The following RNF150 variants were observed in gnomAD, a reference collection of about 807,000 sequenced individuals.
The protein encoded by RNF150 is ring finger protein 150.
Under a neutral mutation model 39.3 loss-of-function variants are expected in RNF150, and 24 were observed. That is an observed-to-expected ratio of 0.61 (90% CI 0.44 to 0.86). The LOEUF is 0.86. Among genes scored for constraint, RNF150 ranks in the 40% least tolerant of loss-of-function variants. The pLI, the probability that RNF150 is intolerant of heterozygous loss-of-function variation, is 0.00. For synonymous variants in RNF150, 255 were observed against 227.3 expected (o/e 1.12, Z -1.10); for missense variants, 502 against 587.8 (o/e 0.85, Z 1.51).
intron 1 of RNF150, among the ~76,000 whole-genome samples, chr4:141,203,529 C>T (rs1427071782): frequency 6.6e-6 from 1 of 151,834 alleles, no homozygotes; most frequent in Non-Finnish European, 1.5e-5. Flanking sequence ...CCTCCTTCAG[C>T]CTTTAGATAG....
intron 1 of RNF150, among the ~76,000 whole-genome samples, chr4:141,062,244 T>G (rs1461084472): frequency 6.6e-6 from 1 of 152,120 alleles, no homozygotes; most frequent in East Asian, 1.9e-4. Flanking sequence ...CTTCTGAGTC[T>G]TTGCGTAAAA....
At chr4:141,112,338 T>C (rs904381060) in intron 1 of RNF150, among the ~76,000 whole-genome samples, 2 of 152,186 alleles carry the variant, frequency 1.3e-5, no homozygotes, top group Non-Finnish European at 2.9e-5. Flanking sequence ...TCTTACAATT[T>C]GGTATGTTTT....
chr4:141,184,919 T>C (rs1727974329), intron 1 of RNF150, among the ~76,000 whole-genome samples: 1 of 151,666 alleles, frequency 6.6e-6, no homozygotes, highest in Non-Finnish European at 1.5e-5. Context: ...TGCTGTTTGG[T>C]TACTGTAGCC....
intron 4 of RNF150, among the ~76,000 whole-genome samples, chr4:140,935,063 T>TTTATA (rs1731806021): frequency 7.9e-5 from 5 of 63,424 alleles, no homozygotes; most frequent in African/African-American, 4.0e-4. Flanking sequence ...ATATTATATA[T>TTTATA]ATATAATATA....
chr4:141,111,037 G>A (rs1739369434), intron 1 of RNF150, among the ~76,000 whole-genome samples: 1 of 152,070 alleles, frequency 6.6e-6, no homozygotes, highest in Non-Finnish European at 1.5e-5. Flanking sequence ...ATCATCTGAA[G>A]AGCCATGTCC....
At position 141,159,103 on chromosome 4, in the gene RNF150, T is replaced by A. The variant is rs542040754; in HGVS notation, c.-6+53691A>T. Among the ~76,000 whole-genome samples, 5 of 152,326 alleles carry A rather than the reference T, an allele frequency of 3.3e-5. No individual in the cohort carries two copies. In the South Asian group the frequency reaches 8.3e-4, roughly 25 times the overall value. ...CATTATCACTTTAAATGAAGAGAAG[T>A]TCAACAGCTGGTATTATTTTGGTTA... On this transcript the variant is annotated intron_variant, in intron 1 of 7. Transcript: ENST00000420921.
intron 6 of RNF150, among the ~76,000 whole-genome samples, chr4:140,893,964 G>T (rs1262450903): frequency 6.6e-6 from 1 of 152,144 alleles, no homozygotes; most frequent in Admixed American, 6.5e-5. Context: ...AGTCCATAGG[G>T]AGTTCCTGGA....
At chr4:141,205,216 A>T (rs764127950) in intron 1 of RNF150, among the ~76,000 whole-genome samples, 1 of 152,160 alleles carries the variant, frequency 6.6e-6, no homozygotes, top group African/African-American at 2.4e-5. Context: ...TTTCATAGTC[A>T]TTGTTATACC....
chr4:141,175,340 C>G (rs1043418830), intron 1 of RNF150, among the ~76,000 whole-genome samples: 2 of 152,162 alleles, frequency 1.3e-5, no homozygotes, highest in Non-Finnish European at 2.9e-5. Flanking sequence ...AAAATAAAAA[C>G]AAGGTCCTTG....
At chr4:141,024,570 C>A (rs1287228466) in intron 1 of RNF150, among the ~76,000 whole-genome samples, 1 of 152,014 alleles carries the variant, frequency 6.6e-6, no homozygotes, top group Non-Finnish European at 1.5e-5. Context: ...AATGAGAAAA[C>A]AATGTATTCT....
At chr4:141,068,198 G>A (rs1737539266) in intron 1 of RNF150, among the ~76,000 whole-genome samples, 1 of 152,126 alleles carries the variant, frequency 6.6e-6, no homozygotes, top group African/African-American at 2.4e-5. Context: ...GCCCGCCTTG[G>A]CCTCCCAAAG....
intron 2 of RNF150, among the ~76,000 whole-genome samples, chr4:140,958,135 G>T (rs1340820377): frequency 6.6e-6 from 1 of 152,060 alleles, no homozygotes; most frequent in Non-Finnish European, 1.5e-5. Context: ...AAGTAATTAG[G>T]TACTATAAGT....
At chr4:140,962,107 C>T (rs923293139) in intron 2 of RNF150, among the ~76,000 whole-genome samples, 18 of 151,212 alleles carry the variant, frequency 1.2e-4, no homozygotes, top group Middle Eastern at 3.4e-3. Context: ...CACACACGCG[C>T]GCACACACAC....
intron 1 of RNF150, among the ~76,000 whole-genome samples, chr4:141,054,627 T>C (rs1736898754): frequency 6.6e-6 from 1 of 152,140 alleles, no homozygotes; most frequent in East Asian, 1.9e-4. Context: ...TGTCAAGTCA[T>C]GTCTTTCCCC....
At chr4:141,020,304 A>G (rs1483064180) in intron 1 of RNF150, among the ~76,000 whole-genome samples, 1 of 152,138 alleles carries the variant, frequency 6.6e-6, no homozygotes, top group Non-Finnish European at 1.5e-5. Flanking sequence ...TAATTTACAC[A>G]CATGCACACA....
intron 2 of RNF150, among the ~76,000 whole-genome samples, chr4:140,954,841 T>TA (rs529988990): frequency 3.9e-5 from 6 of 152,242 alleles, no homozygotes; most frequent in African/African-American, 9.6e-5. Flanking sequence ...GTGAAAGTGA[T>TA]AAAAAAAATT....
intron 1 of RNF150, among the ~76,000 whole-genome samples, chr4:141,063,123 C>T (rs1334297618): frequency 6.6e-6 from 1 of 152,140 alleles, no homozygotes; most frequent in Non-Finnish European, 1.5e-5. Flanking sequence ...ATTCCTTTTT[C>T]AGATGACATA....
At chr4:140,968,096 C>T (rs996090836) in intron 1 of RNF150, among the ~76,000 whole-genome samples, 1 of 152,078 alleles carries the variant, frequency 6.6e-6, no homozygotes, top group Non-Finnish European at 1.5e-5. Context: ...GAAAAAAGAA[C>T]CTAAAATGCA....
intron 6 of RNF150, among the ~76,000 whole-genome samples, chr4:140,901,599 C>G (rs998354950): frequency 1.3e-5 from 2 of 152,208 alleles, no homozygotes; most frequent in African/African-American, 2.4e-5. Context: ...TATTCATTTA[C>G]TCATCCAACT....
Sources: gnomAD v4.1 joint callset for allele counts (sites outside exome capture counted in the v4.1 genomes callset) on GRCh38, gnomAD v4.1.1 for gene constraint, MANE v1.5 for transcripts, NCBI Gene and HGNC (gene_info 2026-07-23, HGNC 2026-07-21) for gene names.